The following CYP7B1 variants were observed in gnomAD, a reference collection of about 807,000 sequenced individuals.
CYP7B1 encodes cytochrome P450 family 7 subfamily B member 1.
A neutral mutation model predicts 42.7 loss-of-function variants in CYP7B1; 29 were observed. The ratio of observed to expected loss-of-function variants is 0.68; its 90% CI spans 0.51 to 0.93. The LOEUF (loss-of-function observed/expected upper bound fraction) is 0.93. Ranked by LOEUF, CYP7B1 falls within the 40% of genes least tolerant of loss-of-function variation. The pLI, the probability that CYP7B1 is intolerant of heterozygous loss-of-function variation, is 0.00. For synonymous variants in CYP7B1, 235 were observed against 218.2 expected (o/e 1.08, Z -0.68); for missense variants, 655 against 600.5 (o/e 1.09, Z -0.95).
intron 1 of CYP7B1, among the ~76,000 whole-genome samples, chr8:64,634,052 G>A (rs141513083): frequency 3.7e-4 from 57 of 152,310 alleles, no homozygotes; most frequent in Middle Eastern, 3.4e-3. Flanking sequence ...CTCAGGTGGT[G>A]AGATTACAAA....
intron 1 of CYP7B1, among the ~76,000 whole-genome samples, chr8:64,716,424 G>A (rs1807155351): frequency 2.0e-5 from 3 of 152,032 alleles, no homozygotes. Flanking sequence ...TCCCACTTCA[G>A]AGCCGGGCAC....
intron 1 of CYP7B1, among the ~76,000 whole-genome samples, chr8:64,771,132 C>T (rs1804220592): frequency 7.5e-6 from 1 of 132,494 alleles, no homozygotes; most frequent in Non-Finnish European, 1.5e-5. Context: ...ACAATCTCAG[C>T]TCACTGCAAC....
intron 1 of CYP7B1, among the ~76,000 whole-genome samples, chr8:64,717,570 T>C (rs997971769): frequency 2.0e-5 from 3 of 152,152 alleles, no homozygotes; most frequent in Admixed American, 2.0e-4. Context: ...GTTATTTTTT[T>C]GGCCTAGTGT....
chr8:64,654,594 A>T (rs1806092609), intron 1 of CYP7B1, among the ~76,000 whole-genome samples: 1 of 152,184 alleles, frequency 6.6e-6, no homozygotes, highest in South Asian at 2.1e-4. Flanking sequence ...TGACCATATC[A>T]TCCAAAGCAA....
At chr8:64,602,764 T>A (rs1805221367) in intron 5 of CYP7B1, among the ~76,000 whole-genome samples, 2 of 152,186 alleles carry the variant, frequency 1.3e-5, no homozygotes, top group African/African-American at 4.8e-5. Context: ...TATGGTGGCT[T>A]GGGATGGACA....
intron 2 of CYP7B1, among the ~76,000 whole-genome samples, chr8:64,624,119 T>C (rs888020430): frequency 2.6e-5 from 4 of 151,898 alleles, no homozygotes; most frequent in African/African-American, 9.7e-5. Flanking sequence ...TATATATATA[T>C]ATTTTTTTTT....
chr8:64,631,753 C>T (rs546344643), intron 1 of CYP7B1, among the ~76,000 whole-genome samples: 1 of 152,248 alleles, frequency 6.6e-6, no homozygotes, highest in African/African-American at 2.4e-5. Context: ...AAAAAATGGG[C>T]TAAGGACTTA....
chr8:64,780,720 A>G (rs1804407195), intron 1 of CYP7B1, among the ~76,000 whole-genome samples: 1 of 152,164 alleles, frequency 6.6e-6, no homozygotes, highest in Admixed American at 6.5e-5. Flanking sequence ...TTTACTTTGT[A>G]TAAAGCACAA....
intron 1 of CYP7B1, among the ~76,000 whole-genome samples, chr8:64,658,106 C>T (rs1806148002): frequency 6.6e-6 from 1 of 152,116 alleles, no homozygotes; most frequent in African/African-American, 2.4e-5. Context: ...AGAGCTCTGC[C>T]TTCATGACCT....
In CYP7B1 at chr8:64,643,174, T is replaced by TATATACAC. The variant is rs1805891957; in HGVS notation, c.123-18636_123-18635insGTGTATAT. ...ATATACATATATACACATATATACA[T>TATATACAC]ATATATACATATATATATACACACA... On this transcript the variant is annotated intron_variant, in intron 1 of 5. Transcript: ENST00000310193. Among the ~76,000 whole-genome samples the TATATACAC allele has an allele frequency of 9.1e-3, 836 of 91,936 alleles. 6 individuals carry two copies. Among genetic ancestry groups the TATATACAC allele is most frequent in the African/African-American group, 0.027 (788 of 28,666 alleles). 60.3% of individuals were successfully genotyped at this position (91,936 alleles called of 152,430 possible).
chr8:64,597,835 T>C (rs1241237570), intron 5 of CYP7B1, among the ~76,000 whole-genome samples: 1 of 152,184 alleles, frequency 6.6e-6, no homozygotes, highest in Non-Finnish European at 1.5e-5. Flanking sequence ...GACCAAGTAT[T>C]TCCTGTAGTT....
At chr8:64,718,413 G>C (rs1253039912) in intron 1 of CYP7B1, among the ~76,000 whole-genome samples, 1 of 152,078 alleles carries the variant, frequency 6.6e-6, no homozygotes, top group East Asian at 1.9e-4. Context: ...TAAGCACCAG[G>C]GTTTCTGCCC....
At chr8:64,748,432 C>T (rs1166125485) in intron 1 of CYP7B1, among the ~76,000 whole-genome samples, 1 of 152,154 alleles carries the variant, frequency 6.6e-6, no homozygotes, top group Non-Finnish European at 1.5e-5. Context: ...ACTTCTCAGT[C>T]CTTTTGGTAC....
chr8:64,625,508 C>T (rs190801368), intron 1 of CYP7B1, among the ~76,000 whole-genome samples: 33 of 152,308 alleles, frequency 2.2e-4, no homozygotes, highest in African/African-American at 7.7e-4. Flanking sequence ...CGATAAAAAA[C>T]AAATGATCAG....
Position 64,691,492 on chromosome 8 carries a change from G to T in CYP7B1, c.123-66953C>A, listed in dbSNP as rs937075374. On this transcript the variant is annotated intron_variant, in intron 1 of 5. Transcript: ENST00000310193. ...GGTTGCGATGGCAACTGGGGGGGGGGGGTGGTGGTTAAAGCTGGAATGTGG... is the reference window on the plus strand; with the variant it reads ...GGTTGCGATGGCAACTGGGGGGGGGTGGTGGTGGTTAAAGCTGGAATGTGG... Among the ~76,000 whole-genome samples, 9 of 147,648 alleles carry T rather than the reference G, an allele frequency of 6.1e-5. 1 individual carries two copies. Among genetic ancestry groups the T allele is most frequent in the East Asian group, 4.0e-4 (2 of 4,980 alleles).
At chr8:64,629,362 T>C (rs1322289545) in intron 1 of CYP7B1, among the ~76,000 whole-genome samples, 1 of 152,126 alleles carries the variant, frequency 6.6e-6, no homozygotes, top group African/African-American at 2.4e-5. Context: ...CCTAAGTAGG[T>C]GGTGAGCAAC....
chr8:64,672,267 G>C (rs1806377785), intron 1 of CYP7B1, among the ~76,000 whole-genome samples: 1 of 152,130 alleles, frequency 6.6e-6, no homozygotes, highest in African/African-American at 2.4e-5. Context: ...GGAACTGGAG[G>C]CTCTTGTTTC....
intron 1 of CYP7B1, among the ~76,000 whole-genome samples, chr8:64,626,127 A>C (rs1805607054): frequency 6.6e-6 from 1 of 152,208 alleles, no homozygotes; most frequent in Non-Finnish European, 1.5e-5. Flanking sequence ...CTCAAGGCCT[A>C]AGAGATCAAC....
chr8:64,771,013 T>C (rs1354292665), intron 1 of CYP7B1, among the ~76,000 whole-genome samples: 1 of 144,260 alleles, frequency 6.9e-6, no homozygotes, highest in Non-Finnish European at 1.5e-5. Flanking sequence ...TCTTCACTAA[T>C]TGAATCAGAA....
Sources: gnomAD v4.1 joint callset for allele counts (sites outside exome capture counted in the v4.1 genomes callset) on GRCh38, gnomAD v4.1.1 for gene constraint, MANE v1.5 for transcripts, NCBI Gene and HGNC (gene_info 2026-07-23, HGNC 2026-07-21) for gene names.